PRRG1: variants seen among roughly 807,000 people sequenced by gnomAD.
PRRG1 encodes transmembrane gamma-carboxyglutamic acid protein 1.
In PRRG1, 5 loss-of-function variants were observed where a neutral mutation model predicts 11.8. That is an observed-to-expected ratio of 0.42 (90% CI 0.22 to 0.89). The LOEUF (loss-of-function observed/expected upper bound fraction) is 0.89, where lower values mean the gene tolerates loss of function less well. Among genes scored for constraint, PRRG1 ranks in the 40% least tolerant of loss-of-function variants. The pLI is 0.28. For synonymous variants in PRRG1, 66 were observed against 60.4 expected, an observed-to-expected ratio of 1.09 and a Z score of -0.43; for missense variants, 155 against 166.1, an observed-to-expected ratio of 0.93 and a Z score of 0.37.
chrX:37,354,704 T>C (rs1286227674), intron 1 of PRRG1, among the ~76,000 whole-genome samples: 1 of 111,090 alleles, frequency 9.0e-6, no homozygotes, highest in Non-Finnish European at 1.9e-5. Flanking sequence ...GTAGTGCTTT[T>C]AAGACTGTTT....
chrX:37,423,356 G>C (rs1420523647), intron 2 of PRRG1, among the ~76,000 whole-genome samples: 1 of 109,751 alleles, frequency 9.1e-6, no homozygotes, highest in African/African-American at 3.3e-5. Context: ...TTTTTGTACA[G>C]CTGTACAATG....
intron 3 of PRRG1, among the ~76,000 whole-genome samples, chrX:37,442,810 C>G (rs1556394263): frequency 9.0e-6 from 1 of 111,124 alleles, no homozygotes; most frequent in African/African-American, 3.3e-5. Flanking sequence ...GGTTGGCTTC[C>G]CCACAAATAT....
chrX:37,362,311 C>T (rs1333620284), intron 1 of PRRG1, among the ~76,000 whole-genome samples: 5 of 111,155 alleles, frequency 4.5e-5, no homozygotes, highest in African/African-American at 1.3e-4. Flanking sequence ...GGTTTATATA[C>T]TTGACCTTTG....
chrX:37,379,031 CTTTTTTT>C (rs56857980), intron 1 of PRRG1, among the ~76,000 whole-genome samples: 5 of 28,759 alleles, frequency 1.7e-4, no homozygotes, highest in Non-Finnish European at 3.1e-4. Flanking sequence ...CATCTTTTTG[CTTTTTTT>C]TTTTTTTTTT....
intron 2 of PRRG1, among the ~76,000 whole-genome samples, chrX:37,416,528 G>A (rs1337879448): frequency 8.9e-6 from 1 of 111,846 alleles, no homozygotes; most frequent in African/African-American, 3.2e-5. Context: ...TGTAACAACC[G>A]CAAACATCAA....
At chrX:37,402,303 A>G (rs1246122349) in intron 1 of PRRG1, among the ~76,000 whole-genome samples, 1 of 111,616 alleles carries the variant, frequency 9.0e-6, no homozygotes, top group African/African-American at 3.3e-5. Flanking sequence ...GACCAATGGA[A>G]CAGAACAGAG....
In PRRG1 at chrX:37,379,195, A is replaced by G. The variant is rs782315147; in HGVS notation, c.-41-27014A>G. On this transcript the variant is annotated intron_variant, in intron 1 of 3. Transcript: ENST00000378628. Reference sequence around the variant, plus strand: ...AGACTTCTTATCTTTTCTAGGTGCAATTGACCTGACTAGTCTTCCTATAAT... The same window carrying G: ...AGACTTCTTATCTTTTCTAGGTGCAGTTGACCTGACTAGTCTTCCTATAAT... Among the ~76,000 whole-genome samples, 3 of 108,028 alleles carry G rather than the reference A, an allele frequency of 2.8e-5. No individual in the cohort carries two copies. The South Asian group carries it at 1.2e-3, about 44-fold the overall frequency. 93.8% of individuals were successfully genotyped at this position (108,028 alleles called of 115,157 possible). A position where few individuals can be genotyped will look rare whatever the true frequency, so the allele number is the denominator to read the frequency against.
chrX:37,442,128 C>T (rs1932993357), intron 3 of PRRG1: 1 of 758,048 alleles, frequency 1.3e-6, no homozygotes, highest in Non-Finnish European at 1.6e-6. Flanking sequence ...GGCCACCAGG[C>T]GGGGGCGTGC....
intron 1 of PRRG1, among the ~76,000 whole-genome samples, chrX:37,402,168 G>A (rs1359312759): frequency 1.1e-4 from 12 of 111,033 alleles, no homozygotes; most frequent in Admixed American, 2.9e-4. Flanking sequence ...AAAAGAGCCC[G>A]CATCACCAAG....
chrX:37,456,933 C>T lies in PRRG1; in HGVS notation c.*3312C>T, dbSNP rs1392008363. On this transcript the variant is annotated 3_prime_UTR_variant, in exon 4 of 4. Transcript: ENST00000378628. ...ATGCCTGCATGTGCAGTAGTTGTGT[C>T]TGGAATCCTAGAATTGGCACTTTCT... is the stretch of plus-strand genomic sequence containing the variant. 8.9e-6 allele frequency: 1 copy of T among 112,168 alleles called. No individual in the cohort carries two copies. Among genetic ancestry groups the T allele is most frequent in the East Asian group, 2.8e-4 (1 of 3,601 alleles). 9.2% of individuals were successfully genotyped at this position (112,168 alleles called of 1,213,427 possible).
chrX:37,424,293 G>A (rs1556387815), intron 2 of PRRG1, among the ~76,000 whole-genome samples: 1 of 111,051 alleles, frequency 9.0e-6, no homozygotes, highest in Non-Finnish European at 1.9e-5. Flanking sequence ...TCAAACTGTG[G>A]TAATGGGAGC....
chrX:37,397,798 G>A (rs1931768344), intron 1 of PRRG1, among the ~76,000 whole-genome samples: 1 of 110,887 alleles, frequency 9.0e-6, no homozygotes. Context: ...TGTAATGCCA[G>A]GGTGGGTTAT....
At chrX:37,391,926 A>G (rs1601994111) in intron 1 of PRRG1, among the ~76,000 whole-genome samples, 2 of 111,085 alleles carry the variant, frequency 1.8e-5, no homozygotes, top group Non-Finnish European at 1.9e-5. Flanking sequence ...GAATTCTCTT[A>G]CTGTTGTTAT....
chrX:37,420,118 A>G (rs1932612936), intron 2 of PRRG1, among the ~76,000 whole-genome samples: 1 of 111,782 alleles, frequency 8.9e-6, no homozygotes, highest in African/African-American at 3.3e-5. Flanking sequence ...TGAGCAAAGC[A>G]CTCATTTATA....
chrX:37,410,657 G>C (rs1251336264), intron 2 of PRRG1, among the ~76,000 whole-genome samples: 1 of 111,915 alleles, frequency 8.9e-6, no homozygotes, highest in Non-Finnish European at 1.9e-5. Flanking sequence ...GAGCAGCAGT[G>C]GTCTATGTCT....
At chrX:37,358,565 A>G (rs185309257) in intron 1 of PRRG1, among the ~76,000 whole-genome samples, 12 of 111,214 alleles carry the variant, frequency 1.1e-4, no homozygotes, top group Non-Finnish European at 2.1e-4. Flanking sequence ...CTATTCTGTT[A>G]CATTTACCTG....
chrX:37,383,700 T>G (rs73466245), intron 1 of PRRG1, among the ~76,000 whole-genome samples: 66 of 111,545 alleles, frequency 5.9e-4, no homozygotes, highest in African/African-American at 2.0e-3. Context: ...TATTGACCTC[T>G]TGAAGTAATT....
At chrX:37,432,808 C>T (rs1932845751) in intron 3 of PRRG1, among the ~76,000 whole-genome samples, 1 of 111,660 alleles carries the variant, frequency 9.0e-6, no homozygotes, top group African/African-American at 3.3e-5. Flanking sequence ...GTATGGCTAA[C>T]TGCCTACTCA....
intron 3 of PRRG1, among the ~76,000 whole-genome samples, chrX:37,440,230 G>A (rs1556393180): frequency 1.8e-5 from 2 of 112,145 alleles, no homozygotes; most frequent in Non-Finnish European, 3.8e-5. Flanking sequence ...GAATGGAATT[G>A]GAACTTGGGG....
Sources: gnomAD v4.1 joint callset for allele counts (sites outside exome capture counted in the v4.1 genomes callset) on GRCh38, gnomAD v4.1.1 for gene constraint, MANE v1.5 for transcripts, NCBI Gene and HGNC (gene_info 2026-07-23, HGNC 2026-07-21) for gene names.